Variants in PTPN12 observed in about 807,000 individuals in gnomAD.
PTPN12 encodes the protein protein tyrosine phosphatase non-receptor type 12, also known as tyrosine-protein phosphatase non-receptor type 12.
A neutral mutation model predicts 97.6 loss-of-function variants in PTPN12; 29 were observed. The observed-to-expected ratio is 0.30, with a 90% confidence interval of 0.22 to 0.41. The LOEUF (loss-of-function observed/expected upper bound fraction) is 0.41. Ranked by LOEUF, PTPN12 falls within the 10% of genes least tolerant of loss-of-function variation. PTPN12 has a pLI of 1.00. For missense variants in PTPN12, 819 were observed against 926.0 expected (o/e 0.88, Z 1.50); for synonymous variants, 327 against 300.4 (o/e 1.09, Z -0.91).
rs1806698711 is a variant in PTPN12, at chr7:77,537,308, C to T, written c.-239C>T. 2.3e-6 allele frequency: 1 copy of T among 437,968 alleles called. No individual in the cohort carries two copies. The highest frequency in any genetic ancestry group is 4.6e-5 in the East Asian group (1 of 21,874). The allele number at this position is 437,968 out of a possible 1,614,324, so 27.1% of individuals were successfully genotyped here. A position where few individuals can be genotyped will look rare whatever the true frequency, so the allele number is the denominator to read the frequency against. ...GTTGGGGTTGGCGCTAGCGCAGCGG[C>T]TCGCCTGGTACTGTGGGAGAGCGGC... On this transcript the variant is annotated 5_prime_UTR_variant, in exon 1 of 18. Transcript: ENST00000248594.
intron 1 of PTPN12, among the ~76,000 whole-genome samples, chr7:77,566,852 A>G (rs1014095723): frequency 6.6e-6 from 1 of 152,164 alleles, no homozygotes; most frequent in Non-Finnish European, 1.5e-5. Context: ...TACGGACATC[A>G]TTTAGCTATA....
chr7:77,540,461 C>A (rs572656403), intron 1 of PTPN12, among the ~76,000 whole-genome samples: 1 of 151,926 alleles, frequency 6.6e-6, no homozygotes, highest in South Asian at 2.1e-4. Context: ...TGGTCTTGAA[C>A]TTTCATCTGA....
intron 5 of PTPN12, 85 bp downstream of exon 5, chr7:77,585,666 G>A: frequency 1.6e-6 from 2 of 1,214,308 alleles, no homozygotes; most frequent in East Asian, 2.4e-5. Context: ...AACATAAGCG[G>A]TTAATGTAGA....
chr7:77,548,691 AC>A lies in PTPN12; in HGVS notation c.99+11047del, dbSNP rs1184345311. On this transcript the variant is annotated intron_variant, in intron 1 of 17. Coordinates refer to ENST00000248594, the MANE Select transcript of PTPN12 (RefSeq NM_002835.4). ...GTAGAGCATAAATATCCTCAAAATT[AC>A]AAAAAAAGTTTTCTGTCAGTATAGA... Among the ~76,000 whole-genome samples, 16 of 152,326 alleles carry A rather than the reference AC, an allele frequency of 1.1e-4. No individual in the cohort carries two copies. In the East Asian group the frequency reaches 3.1e-3, roughly 29 times the overall value.
chr7:77,618,519 C>T lies in PTPN12; in HGVS notation c.979C>T (p.Pro327Ser). Residue 327 changes from proline (P) to serine (S), a missense_variant, in exon 12 of 18, where the codon CCT (proline) becomes TCT (serine). Pro to Ser is a moderately conservative substitution (Grantham distance 74). Around this residue, in one of 5 missense-constraint regions of PTPN12, gnomAD observed 607 missense variants for 577.3 expected, o/e 1.05. Coordinates refer to ENST00000248594, the MANE Select transcript of PTPN12 (RefSeq NM_002835.4). ...TGAAAACATGGTCAGCTCCATAGAG[C>T]CTGAAAAACAAGATTCTCCTCCTCC... ...NTENMVSSIE[P>S]EKQDSPPPKP... The T allele has an allele frequency of 6.2e-7, 1 of 1,609,516 alleles. No individual in the cohort carries two copies. Among genetic ancestry groups the T allele is most frequent in the South Asian group, 1.1e-5 (1 of 90,772 alleles).
At chr7:77,636,729 T>C (rs1267999546) in intron 15 of PTPN12, 2 of 241,344 alleles carry the variant, frequency 8.3e-6, no homozygotes, top group Non-Finnish European at 1.6e-5. Context: ...ACATATAAAA[T>C]ACAATAATGA....
intron 1 of PTPN12, among the ~76,000 whole-genome samples, chr7:77,547,541 C>G (rs1807281023): frequency 6.6e-6 from 1 of 152,098 alleles, no homozygotes; most frequent in South Asian, 2.1e-4. Context: ...TGATTCTGAG[C>G]AGATTATCTA....
intron 13 of PTPN12, among the ~76,000 whole-genome samples, chr7:77,629,160 A>G (rs910880864): frequency 2.6e-5 from 4 of 151,708 alleles, no homozygotes; most frequent in African/African-American, 9.7e-5. Context: ...TGTGTTAGCC[A>G]GGATGGTCTG....
chr7:77,570,676 A>G (rs941334268), intron 1 of PTPN12, among the ~76,000 whole-genome samples: 9 of 152,266 alleles, frequency 5.9e-5, no homozygotes, highest in African/African-American at 2.2e-4. Context: ...AAAGCCTGGC[A>G]CATCATGGGT....
intron 5 of PTPN12, among the ~76,000 whole-genome samples, chr7:77,591,541 T>C (rs1454562318): frequency 6.6e-6 from 1 of 152,232 alleles, no homozygotes; most frequent in Non-Finnish European, 1.5e-5. Flanking sequence ...CTTTCTGTAA[T>C]CTCTAATAAA....
chr7:77,637,686 G>A (rs901559672), intron 16 of PTPN12, among the ~76,000 whole-genome samples: 2 of 151,356 alleles, frequency 1.3e-5, no homozygotes, highest in African/African-American at 2.4e-5. Context: ...GTGAAACCCC[G>A]TCTCTACTAA....
chr7:77,585,619 C>T (rs140453669), intron 5 of PTPN12, 38 bp downstream of exon 5: 409 of 1,509,842 alleles, frequency 2.7e-4, no homozygotes, highest in East Asian at 1.3e-3. Flanking sequence ...TTCATTTTTA[C>T]GGATAAATAT....
chr7:77,571,964 A>G (rs1002275913), intron 2 of PTPN12, among the ~76,000 whole-genome samples: 9 of 152,230 alleles, frequency 5.9e-5, no homozygotes, highest in African/African-American at 2.2e-4. Context: ...CATACTTGCT[A>G]TCTTTTAAAG....
intron 1 of PTPN12, among the ~76,000 whole-genome samples, chr7:77,553,154 A>G (rs934584766): frequency 1.3e-5 from 2 of 152,218 alleles, no homozygotes; most frequent in African/African-American, 4.8e-5. Flanking sequence ...GAGAGCAGAC[A>G]TTGTGTATGA....
At chr7:77,629,028 C>G (rs1435438717) in intron 13 of PTPN12, among the ~76,000 whole-genome samples, 2 of 152,196 alleles carry the variant, frequency 1.3e-5, no homozygotes, top group Admixed American at 1.3e-4. Flanking sequence ...TGGCTCACTG[C>G]AACCTCCGCC....
intron 12 of PTPN12, among the ~76,000 whole-genome samples, chr7:77,625,476 T>TCTCTCC (rs1280198983): frequency 3.6e-5 from 1 of 27,600 alleles, no homozygotes; most frequent in Non-Finnish European, 6.2e-5. Context: ...CTGCTCGCTC[T>TCTCTCC]CTCTCTCTCT....
intron 15 of PTPN12, among the ~76,000 whole-genome samples, chr7:77,636,196 C>T (rs1357741859): frequency 6.6e-6 from 1 of 152,116 alleles, no homozygotes; most frequent in Admixed American, 6.6e-5. Flanking sequence ...TTTCTAGATG[C>T]TTCCCATTAT....
Position 77,559,805 on chromosome 7 carries a change from A to G in PTPN12, c.100-11273A>G, listed in dbSNP as rs769029769. Among the ~76,000 whole-genome samples the G allele has an allele frequency of 3.9e-5, 6 of 152,334 alleles. No individual in the cohort carries two copies. In the South Asian group the frequency reaches 8.3e-4, roughly 21 times the overall value. On this transcript the variant is annotated intron_variant, in intron 1 of 17. Transcript: ENST00000248594. ...ACTTGCCCTGCTTTGTTGAATGTGT[A>G]TTTGGAAGACACTAGGCTCTGTGGG...
At chr7:77,620,808 C>A (rs991540861) in intron 12 of PTPN12, among the ~76,000 whole-genome samples, 1 of 152,002 alleles carries the variant, frequency 6.6e-6, no homozygotes, top group Non-Finnish European at 1.5e-5. Context: ...ATTAGCCAGG[C>A]GTGGTGGCAC....
Sources: allele counts gnomAD v4.1 joint callset (sites outside exome capture counted in the v4.1 genomes callset), GRCh38; gene constraint gnomAD v4.1.1; regional missense constraint gnomAD v4.1.1; transcripts MANE v1.5; gene names NCBI Gene and HGNC (gene_info 2026-07-23, HGNC 2026-07-21).